CDK13: variants seen among roughly 807,000 people sequenced by gnomAD.
The protein encoded by CDK13 is cyclin dependent kinase 13.
CDK13 carries 40 observed loss-of-function variants against 137.6 expected under a neutral mutation model. The ratio of observed to expected loss-of-function variants is 0.29; its 90% CI spans 0.23 to 0.38. CDK13 has a LOEUF of 0.38. Ranked by LOEUF, CDK13 falls within the 10% of genes least tolerant of loss-of-function variation. The pLI, the probability that CDK13 is intolerant of heterozygous loss-of-function variation, is 1.00. For missense variants in CDK13, 1,704 were observed against 1,951.8 expected (o/e 0.87, Z 2.39); for synonymous variants, 869 against 760.1 (o/e 1.14, Z -2.36).
At chr7:39,953,072 T>G (rs543281523) in intron 1 of CDK13, among the ~76,000 whole-genome samples, 5 of 152,186 alleles carry the variant, frequency 3.3e-5, no homozygotes, top group Non-Finnish European at 7.3e-5. Context: ...ATGTGGAATC[T>G]CAACATAATA....
chr7:40,024,438 A>AT (rs1363297593), intron 5 of CDK13, among the ~76,000 whole-genome samples: 3 of 152,130 alleles, frequency 2.0e-5, no homozygotes, highest in Non-Finnish European at 4.4e-5. Flanking sequence ...GACAGTAGTA[A>AT]TTTCTTGCTA....
In CDK13 at chr7:40,094,129, G is replaced by C; in HGVS notation, c.3689-1G>C. 1 of 1,613,006 alleles carries C rather than the reference G, an allele frequency of 6.2e-7. No homozygotes were observed. Among genetic ancestry groups the C allele is most frequent in the East Asian group, 2.2e-5 (1 of 44,834 alleles). ...CCTTGTTTTTGCTCTGTTTCACTTA[G>C]GACAAGATGACCTCATCCAGCATCA... On this transcript the variant is annotated splice_acceptor_variant, in intron 13 of 13. Coordinates refer to ENST00000181839, the MANE Select transcript of CDK13 (RefSeq NM_003718.5). LOFTEE classifies it high-confidence loss of function.
chr7:39,988,741 T>G (rs938931260), intron 2 of CDK13, among the ~76,000 whole-genome samples: 5 of 152,158 alleles, frequency 3.3e-5, no homozygotes, highest in African/African-American at 1.2e-4. Flanking sequence ...AAAAAAAATT[T>G]TTTTAGCCTG....
intron 9 of CDK13, among the ~76,000 whole-genome samples, chr7:40,074,745 C>T (rs911097079): frequency 4.6e-5 from 7 of 150,588 alleles, no homozygotes; most frequent in South Asian, 2.1e-4. Context: ...CATTTGAGAC[C>T]GGGAGGTCGA....
rs1275380252 is a variant in CDK13 at position 40,096,627 on chromosome 7, T to C, written c.*1647T>C. 1 of 152,182 alleles carries C rather than the reference T, an allele frequency of 6.6e-6. No homozygotes were observed. The highest frequency in any genetic ancestry group is 1.5e-5 in the Non-Finnish European group (1 of 67,992). 9.4% of individuals were successfully genotyped at this position (152,182 alleles called of 1,614,324 possible). ...TGGAACAACTGTTACAGAATGTATA[T>C]TGCTCCAGTTCTAAAGCCAGTTAAC... On this transcript the variant is annotated 3_prime_UTR_variant, in exon 14 of 14. Transcript: ENST00000181839.
chr7:40,015,094 G>C (rs1224615601), intron 5 of CDK13, among the ~76,000 whole-genome samples: 1 of 152,140 alleles, frequency 6.6e-6, no homozygotes, highest in Admixed American at 6.5e-5. Context: ...TGTCTTAAAG[G>C]AAAAAAGCTC....
At position 39,951,346 on chromosome 7, in the gene CDK13, C is replaced by T. The variant is rs1246206315; in HGVS notation, c.705C>T (p.His235=). 4 of 1,475,412 alleles carry T rather than the reference C, an allele frequency of 2.7e-6. No homozygotes were observed. Among genetic ancestry groups the T allele is most frequent in the Middle Eastern group, 2.1e-4 (1 of 4,742 alleles). The allele number at this position is 1,475,412 out of a possible 1,614,324, so 91.4% of individuals were successfully genotyped here. Reference sequence around the variant, plus strand: ...AGGCCTCCAAGTCCCGCAGCCGCCACAGCCACAGCGGCGAGGAACGGGCCG... The same window carrying T: ...AGGCCTCCAAGTCCCGCAGCCGCCATAGCCACAGCGGCGAGGAACGGGCCG... ...GSEASKSRSR[H]SHSGEERAEV... The change falls in exon 1 of 14, where the codon CAC becomes CAT. Residue 235 remains histidine (H), a synonymous_variant. Coordinates refer to ENST00000181839, the MANE Select transcript of CDK13 (RefSeq NM_003718.5).
Position 39,999,419 on chromosome 7 carries a change from T to C in CDK13, c.2101T>C (p.Cys701Arg). The C allele has an allele frequency of 6.2e-7, 1 of 1,613,524 alleles. No individual in the cohort carries two copies. The highest frequency in any genetic ancestry group is 8.5e-7 in the Non-Finnish European group (1 of 1,179,628). ...KEKDIDWGKRCVDKFDIIGII... is the reference protein window; with the variant it reads ...KEKDIDWGKRRVDKFDIIGII... ...AAAAGATATTGACTGGGGAAAACGCTGCGTGGATAAATTTGATATCATCGG... is the reference window on the plus strand; with the variant it reads ...AAAAGATATTGACTGGGGAAAACGCCGCGTGGATAAATTTGATATCATCGG... The change falls in exon 4 of 14, where the codon TGC (cysteine) becomes CGC (arginine). Residue 701 changes from cysteine (C) to arginine (R), a missense_variant. This residue lies in a region of CDK13 where 130 missense variants were observed against 362.4 expected (regional missense o/e 0.36). Coordinates refer to ENST00000181839, the MANE Select transcript of CDK13 (RefSeq NM_003718.5).
chr7:40,083,366 G>A (rs4720348), intron 11 of CDK13, among the ~76,000 whole-genome samples: 53,229 of 150,658 alleles, frequency 0.35, 11,814 homozygotes, highest in African/African-American at 0.63. Flanking sequence ...AGGATTTCTT[G>A]TCTAGTAATT....
chr7:39,957,357 C>A lies in CDK13; in HGVS notation c.1211+5505C>A, dbSNP rs78362232. ...CTTTGTTGTAGAGTTTTAAAAAATT[C>A]TGTTTAATATCTGCTTAGTTGGCTG... On this transcript the variant is annotated intron_variant, in intron 1 of 13. Coordinates refer to ENST00000181839, the MANE Select transcript of CDK13 (RefSeq NM_003718.5). Among the ~76,000 whole-genome samples the A allele has an allele frequency of 7.7e-3, 1,172 of 152,168 alleles. 3 individuals carry two copies. The highest frequency in any genetic ancestry group is 0.024 in the Middle Eastern group (7 of 292).
Position 40,098,026 on chromosome 7 carries a change from G to A in CDK13, c.*3046G>A, listed in dbSNP as rs760865514. On this transcript the variant is annotated 3_prime_UTR_variant, in exon 14 of 14. Coordinates refer to ENST00000181839, the MANE Select transcript of CDK13 (RefSeq NM_003718.5). ...TTTTAAATGTCTGGAGAAGTTAGTGGTATTTGCTACCCTCAGCTGTATCTA... is the reference window on the plus strand; with the variant it reads ...TTTTAAATGTCTGGAGAAGTTAGTGATATTTGCTACCCTCAGCTGTATCTA... 3 of 152,010 alleles carry A rather than the reference G, an allele frequency of 2.0e-5. No individual in the cohort carries two copies. The highest frequency in any genetic ancestry group is 4.4e-5 in the Non-Finnish European group (3 of 67,952). The allele number at this position is 152,010 out of a possible 1,614,324, so 9.4% of individuals were successfully genotyped here.
rs146902817 is a variant in CDK13, at chr7:40,046,102, C to T, written c.2543+77C>T. On this transcript the variant is annotated intron_variant, in intron 6 of 13. Coordinates refer to ENST00000181839, the MANE Select transcript of CDK13 (RefSeq NM_003718.5). ...TACATGGAGAGAATAGACTGGAAACCGTAGCGGCGGGGAATGTCGGGGGTG... is the reference window on the plus strand; with the variant it reads ...TACATGGAGAGAATAGACTGGAAACTGTAGCGGCGGGGAATGTCGGGGGTG... 286 of 935,866 alleles carry T rather than the reference C, an allele frequency of 3.1e-4. 2 individuals are homozygous for T. The East Asian group carries it at 6.1e-3, about 20-fold the overall frequency. 58.0% of individuals were successfully genotyped at this position (935,866 alleles called of 1,614,324 possible).
At chr7:40,079,323 G>C (rs17538202) in intron 11 of CDK13, among the ~76,000 whole-genome samples, 4,542 of 152,164 alleles carry the variant, frequency 0.03, 210 homozygotes, top group African/African-American at 0.1. Flanking sequence ...GGAGGCTGAG[G>C]CAGGAGAATC....
chr7:40,070,978 T>C (rs1786409198), intron 9 of CDK13: 1 of 152,202 alleles, frequency 6.6e-6, no homozygotes, highest in Non-Finnish European at 1.5e-5. Context: ...AAATGAATCC[T>C]TTTCTCTATC....
Position 40,084,893 on chromosome 7 carries a change from G to A in CDK13, c.3030-3233G>A, listed in dbSNP as rs561147656. ...TTTGCCTAAGACACATCAAGTAAGTGACTGAGCTGGCATTTGAACCTTCAA... is the reference window on the plus strand; with the variant it reads ...TTTGCCTAAGACACATCAAGTAAGTAACTGAGCTGGCATTTGAACCTTCAA... On this transcript the variant is annotated intron_variant, in intron 11 of 13. Coordinates refer to ENST00000181839, the MANE Select transcript of CDK13 (RefSeq NM_003718.5). Among the ~76,000 whole-genome samples the A allele has an allele frequency of 1.4e-4, 22 of 152,298 alleles. No individual in the cohort carries two copies. The South Asian group carries it at 1.9e-3, about 13-fold the overall frequency.
At position 39,951,038 on chromosome 7, in the gene CDK13, G is replaced by A. The variant is rs1168476809; in HGVS notation, c.397G>A (p.Gly133Ser). 1 of 1,289,172 alleles carries A rather than the reference G, an allele frequency of 7.8e-7. No individual in the cohort carries two copies. The highest frequency in any genetic ancestry group is 4.2e-5 in the Admixed American group (1 of 23,852). The allele number at this position is 1,289,172 out of a possible 1,614,324, so 79.9% of individuals were successfully genotyped here. The part of the protein sequence containing the change: ...LPQPQQDGGG[G>S]ASSGGGVTPL... ...CCAGCCGCAGCAGGACGGCGGTGGC[G>A]GTGCTAGTAGCGGCGGGGGTGTGAC... Residue 133 changes from glycine to serine, a missense_variant, in exon 1 of 14, where the codon GGT (glycine) becomes AGT (serine). Around this residue, in one of 5 missense-constraint regions of CDK13, gnomAD observed 1,051 missense variants for 931.0 expected, o/e 1.13. Transcript: ENST00000181839.
intron 9 of CDK13, among the ~76,000 whole-genome samples, chr7:40,077,564 T>C (rs1232947621): frequency 6.6e-6 from 1 of 152,152 alleles, no homozygotes; most frequent in Non-Finnish European, 1.5e-5. Flanking sequence ...GACTAAAATA[T>C]TTAACGAGGG....
chr7:40,062,688 T>C, intron 7 of CDK13, 138 bp from the exon 8 acceptor site: 2 of 691,422 alleles, frequency 2.9e-6, no homozygotes, highest in Non-Finnish European at 2.6e-6. Context: ...CCTTTGGATG[T>C]CTGTATTTTT....
chr7:40,094,228 G>A lies in CDK13; in HGVS notation c.3787G>A (p.Glu1263Lys), dbSNP rs781231247. The part of the protein sequence containing the change: ...RILPPDQRPP[E>K]PPEPPPVTEE... ...TCTGCCTCCTGACCAACGACCTCCC[G>A]AGCCTCCTGAACCACCACCAGTCAC... The change falls in exon 14 of 14, where the codon GAG becomes AAG. Residue 1263 changes from glutamate (E) to lysine (K), a missense_variant. This residue lies in a region of CDK13 where 475 missense variants were observed against 579.3 expected (regional missense o/e 0.82). Transcript: ENST00000181839. The A allele has an allele frequency of 3.1e-6, 5 of 1,613,266 alleles. No homozygotes were observed. Among genetic ancestry groups the A allele is most frequent in the South Asian group, 1.1e-5 (1 of 90,938 alleles).
Sources: gnomAD v4.1 joint callset for allele counts (sites outside exome capture counted in the v4.1 genomes callset) on GRCh38, gnomAD v4.1.1 for gene constraint, gnomAD v4.1.1 regional missense constraint, MANE v1.5 for transcripts, NCBI Gene and HGNC (gene_info 2026-07-23, HGNC 2026-07-21) for gene names.